Variants in TPTE2 observed in about 807,000 individuals in gnomAD.
TPTE2 encodes transmembrane phosphoinositide 3-phosphatase and tensin homolog 2.
A neutral mutation model predicts 78.6 loss-of-function variants in TPTE2; 53 were observed. The observed-to-expected ratio is 0.67, with a 90% confidence interval of 0.54 to 0.85. The LOEUF is 0.85. TPTE2 is among the 40% of genes least tolerant of loss of function. The pLI, the probability that TPTE2 is intolerant of heterozygous loss-of-function variation, is 0.00. For synonymous variants in TPTE2, 175 were observed against 206.2 expected (o/e 0.85, Z 1.30); for missense variants, 461 against 623.0 (o/e 0.74, Z 2.77).
At chr13:19,532,890 A>G (rs1009455075) in intron 1 of TPTE2, among the ~76,000 whole-genome samples, 9 of 152,224 alleles carry the variant, frequency 5.9e-5, no homozygotes, top group Admixed American at 4.6e-4. Context: ...TGTACTTGAC[A>G]ATAAGAAGGG....
chr13:19,484,253 T>C (rs1880526757), intron 3 of TPTE2, among the ~76,000 whole-genome samples: 1 of 152,220 alleles, frequency 6.6e-6, no homozygotes, highest in African/African-American at 2.4e-5. Context: ...TTAATTTCCA[T>C]ATGTCTGTAT....
intron 16 of TPTE2, among the ~76,000 whole-genome samples, chr13:19,430,855 G>A (rs911688798): frequency 2.0e-5 from 3 of 152,124 alleles, no homozygotes; most frequent in South Asian, 2.1e-4. Context: ...GGCCGGGCAT[G>A]GTGGCTCACA....
At chr13:19,491,312 A>G (rs1310479648) in intron 3 of TPTE2, among the ~76,000 whole-genome samples, 4 of 152,192 alleles carry the variant, frequency 2.6e-5, no homozygotes, top group African/African-American at 9.7e-5. Context: ...CATATAATGA[A>G]TTTCTCTTTT....
chr13:19,429,941 C>T (rs1367971164), intron 17 of TPTE2, among the ~76,000 whole-genome samples: 1 of 152,170 alleles, frequency 6.6e-6, no homozygotes, highest in Non-Finnish European at 1.5e-5. Context: ...AGGGTCATCC[C>T]ACAGAACGTC....
chr13:19,511,463 T>C (rs1488107549), intron 1 of TPTE2, among the ~76,000 whole-genome samples: 1 of 152,226 alleles, frequency 6.6e-6, no homozygotes, highest in East Asian at 1.9e-4. Flanking sequence ...CATATATCTG[T>C]ATATGTCAAT....
At chr13:19,463,603 T>C (rs894198141) in intron 10 of TPTE2, among the ~76,000 whole-genome samples, 12 of 152,244 alleles carry the variant, frequency 7.9e-5, no homozygotes, top group African/African-American at 2.4e-4. Context: ...CTGGGGAAAC[T>C]GTTGCCTCTT....
At chr13:19,470,133 T>C (rs1313292535) in intron 6 of TPTE2, among the ~76,000 whole-genome samples, 1 of 152,218 alleles carries the variant, frequency 6.6e-6, no homozygotes, top group African/African-American at 2.4e-5. Context: ...TTTTCATTTT[T>C]TCCCCATTCA....
the TPTE2 span, among the ~76,000 whole-genome samples, chr13:19,556,910 C>T: frequency 1.2e-5 from 1 of 86,612 alleles, no homozygotes; most frequent in Admixed American, 1.4e-4. Context: ...ACTAGTAAAC[C>T]AAATTTAATG....
intron 1 of TPTE2, among the ~76,000 whole-genome samples, chr13:19,524,863 G>A (rs1227188080): frequency 6.6e-6 from 1 of 152,114 alleles, no homozygotes; most frequent in African/African-American, 2.4e-5. Context: ...ATAGCAGAGG[G>A]ACTTCAGGGG....
upstream of TPTE2, among the ~76,000 whole-genome samples, chr13:19,504,575 C>A (rs925793569): frequency 8.5e-5 from 13 of 152,100 alleles, no homozygotes; most frequent in African/African-American, 2.7e-4. Flanking sequence ...TCCCTTGGTC[C>A]ACTCTAGTAT....
At chr13:19,423,689 C>A (rs899025538) in intron 19 of TPTE2, among the ~76,000 whole-genome samples, 35 of 152,104 alleles carry the variant, frequency 2.3e-4, no homozygotes, top group African/African-American at 8.2e-4. Flanking sequence ...TTTGGCTAAA[C>A]AACAATCTCA....
At chr13:19,493,930 G>A (rs1881158002) in intron 1 of TPTE2, among the ~76,000 whole-genome samples, 2 of 152,194 alleles carry the variant, frequency 1.3e-5, no homozygotes, top group African/African-American at 4.8e-5. Context: ...GTAACTAGAG[G>A]TCTGACACAG....
chr13:19,503,618 G>T (rs568345678), upstream of TPTE2, among the ~76,000 whole-genome samples: 1 of 152,170 alleles, frequency 6.6e-6, no homozygotes, highest in African/African-American at 2.4e-5. Flanking sequence ...CACTAAATGT[G>T]CTGCCTTGAA....
chr13:19,498,395 A>T (rs1269132725), intron 1 of TPTE2, among the ~76,000 whole-genome samples: 3 of 152,022 alleles, frequency 2.0e-5, no homozygotes, highest in Non-Finnish European at 4.4e-5. Context: ...GGGCAGCCAG[A>T]AAGAAAGGTC....
At chr13:19,561,097 C>G in the TPTE2 span, 1 of 1,603,638 alleles carries the variant, frequency 6.2e-7, no homozygotes, top group African/African-American at 1.3e-5. Flanking sequence ...CCTCCCCATC[C>G]TCCTCTTCCT....
upstream of TPTE2, among the ~76,000 whole-genome samples, chr13:19,536,968 T>C: frequency 6.6e-6 from 1 of 151,018 alleles, no homozygotes; most frequent in South Asian, 2.1e-4. Flanking sequence ...ACATATATTA[T>C]AAATATAATT....
At chr13:19,506,195 G>A (rs1393952818), upstream of TPTE2, among the ~76,000 whole-genome samples, 2 of 3,574 alleles carry the variant, frequency 5.6e-4, no homozygotes, top group Non-Finnish European at 1.8e-3. Context: ...TTTTTGAGAC[G>A]GAGTCTCGCT....
At chr13:19,429,868 G>T (rs1876423636) in intron 17 of TPTE2, among the ~76,000 whole-genome samples, 1 of 152,042 alleles carries the variant, frequency 6.6e-6, no homozygotes, top group Non-Finnish European at 1.5e-5. Flanking sequence ...TGACTACCAG[G>T]TCCCTTTTGC....
intron 1 of TPTE2, among the ~76,000 whole-genome samples, chr13:19,515,395 G>T (rs1214005114): frequency 6.6e-6 from 1 of 152,158 alleles, no homozygotes; most frequent in African/African-American, 2.4e-5. Flanking sequence ...TTTAAGAAAA[G>T]TTCTCCTACA....
Sources: gnomAD v4.1 joint callset for allele counts (sites outside exome capture counted in the v4.1 genomes callset) on GRCh38, gnomAD v4.1.1 for gene constraint, MANE v1.5 for transcripts, NCBI Gene and HGNC (gene_info 2026-07-23, HGNC 2026-07-21) for gene names.